The following CLDN14 variants were observed in gnomAD, a reference collection of about 807,000 sequenced individuals.
CLDN14 encodes the protein claudin-14.
In CLDN14, 2 loss-of-function variants were observed where a neutral mutation model predicts 2.1. The ratio of observed to expected loss-of-function variants is 0.96; its 90% CI spans 0.39 to 3.01. CLDN14 has a LOEUF of 3.01. Ranked by LOEUF, CLDN14 falls within the 30% of genes most tolerant of loss-of-function variation. The pLI, the probability that CLDN14 is intolerant of heterozygous loss-of-function variation, is 0.09. For missense variants in CLDN14, 298 were observed against 328.0 expected, an observed-to-expected ratio of 0.91 and a Z score of 0.71; for synonymous variants, 136 against 154.4, an observed-to-expected ratio of 0.88 and a Z score of 0.88.
intron 1 of CLDN14, among the ~76,000 whole-genome samples, chr21:36,561,157 T>A (rs986673876): frequency 1.3e-5 from 2 of 151,986 alleles, no homozygotes; most frequent in Admixed American, 6.5e-5. Context: ...CCACTCTGAG[T>A]GGTTTAAACA....
chr21:36,499,124 G>A lies in CLDN14; in HGVS notation c.-82+11239C>T, dbSNP rs1259803478. 2.0e-5 allele frequency among the ~76,000 whole-genome samples: 3 copies of A among 152,182 alleles called. No individual in the cohort carries two copies. The highest frequency in any genetic ancestry group is 2.9e-5 in the Non-Finnish European group (2 of 68,034). ...GGAGGAGTAGAGAGATGATATCATTGACCACAGGACTCAAGAAATAAGCCC... is the reference window on the plus strand; with the variant it reads ...GGAGGAGTAGAGAGATGATATCATTAACCACAGGACTCAAGAAATAAGCCC... On this transcript the variant is annotated intron_variant, in intron 2 of 2. Transcript: ENST00000342108. This position sits in a 1 kb window ranked among gnomAD's most constrained non-coding sequence, Gnocchi z 4.7.
intron 1 of CLDN14, among the ~76,000 whole-genome samples, chr21:36,548,639 G>GC (rs1316033331): frequency 3.3e-5 from 5 of 152,118 alleles, no homozygotes; most frequent in Non-Finnish European, 7.4e-5. Context: ...TACCCTGACT[G>GC]CCCCACGGTA....
At chr21:36,564,484 C>T (rs2087658616) in intron 1 of CLDN14, among the ~76,000 whole-genome samples, 1 of 152,174 alleles carries the variant, frequency 6.6e-6, no homozygotes, top group African/African-American at 2.4e-5. Context: ...TGTGGTTTCG[C>T]CCCTGGAGGA....
intron 1 of CLDN14, among the ~76,000 whole-genome samples, chr21:36,548,203 C>T (rs1048320641): frequency 6.6e-5 from 10 of 151,908 alleles, no homozygotes; most frequent in African/African-American, 2.4e-4. Context: ...CCTAGTAAGT[C>T]AACCCCCCTC....
At chr21:36,473,389 AC>A (rs1226402784) in intron 1 of CLDN14, among the ~76,000 whole-genome samples, 2 of 152,206 alleles carry the variant, frequency 1.3e-5, no homozygotes, top group East Asian at 1.9e-4. Context: ...TGCCTGGCCC[AC>A]CCTGCAGATT....
rs1395016125 is a variant in CLDN14 at position 36,523,777 on chromosome 21, A to AAGAAAGAGAGAG, written c.-219-13278_-219-13277insCTCTCTCTTTCT. 5.8e-4 allele frequency among the ~76,000 whole-genome samples: 40 copies of AAGAAAGAGAGAG among 68,920 alleles called. 6 individuals carry two copies. The highest frequency in any genetic ancestry group is 2.1e-3 in the African/African-American group (33 of 15,500). 45.2% of individuals were successfully genotyped at this position (68,920 alleles called of 152,430 possible). ...AAAAAAAAAAAGAAAGAAAGAGAGA[A>AAGAAAGAGAGAG]AGAGAGAAAGAAAGAAAGAAAGAAA... On this transcript the variant is annotated intron_variant, in intron 1 of 2. Coordinates refer to the CLDN14 transcript ENST00000342108.
chr21:36,549,563 T>C (rs1222364799), intron 1 of CLDN14, among the ~76,000 whole-genome samples: 1 of 152,176 alleles, frequency 6.6e-6, no homozygotes, highest in African/African-American at 2.4e-5. Context: ...CTCTAAAACA[T>C]TTCCCAGAGG....
chr21:36,486,568 G>A, intron 2 of CLDN14: 1 of 1,555,462 alleles, frequency 6.4e-7, no homozygotes, highest in Non-Finnish European at 8.9e-7. Context: ...CATCAGCCAA[G>A]CTGGGCCCAG....
chr21:36,550,380 T>A lies in CLDN14; in HGVS notation c.-220+26031A>T, dbSNP rs1288693723. Among the ~76,000 whole-genome samples, 3 of 152,208 alleles carry A rather than the reference T, an allele frequency of 2.0e-5. No homozygotes were observed. The East Asian group carries it at 5.8e-4, about 29-fold the overall frequency. ...TCTCCCCCTGACCCCAAAAGTCGAA[T>A]AAGCTCTTTACCTTCATTGGTGTGG... On this transcript the variant is annotated intron_variant, in intron 1 of 2. Transcript: ENST00000342108.
At chr21:36,481,392 A>G (rs1213450443), upstream of CLDN14, among the ~76,000 whole-genome samples, 1 of 152,144 alleles carries the variant, frequency 6.6e-6, no homozygotes, top group African/African-American at 2.4e-5. Flanking sequence ...ATGTGCCCAT[A>G]TTATCTATAA....
intron 1 of CLDN14, among the ~76,000 whole-genome samples, chr21:36,572,913 C>T (rs771761338): frequency 7.9e-5 from 12 of 152,204 alleles, no homozygotes; most frequent in African/African-American, 2.9e-4. Context: ...CTTCCCTGCT[C>T]CCTGCCAAAA....
chr21:36,522,216 C>T (rs1436135790), intron 1 of CLDN14, among the ~76,000 whole-genome samples: 2 of 152,142 alleles, frequency 1.3e-5, no homozygotes, highest in African/African-American at 4.8e-5. Context: ...ACGCAGCACT[C>T]CAGCCTTACT....
At chr21:36,469,204 A>T (rs917585663) in intron 1 of CLDN14, among the ~76,000 whole-genome samples, 5 of 152,360 alleles carry the variant, frequency 3.3e-5, no homozygotes, top group Admixed American at 1.3e-4. Context: ...AAGAATGATG[A>T]GAAAGCGATC....
intron 1 of CLDN14, among the ~76,000 whole-genome samples, chr21:36,558,069 C>T (rs1042255070): frequency 1.1e-4 from 16 of 152,136 alleles, no homozygotes; most frequent in Admixed American, 5.9e-4. Context: ...TACTGTCACC[C>T]TTGTCAAAAA....
chr21:36,527,286 GTTTA>G (rs1285568636), intron 1 of CLDN14, among the ~76,000 whole-genome samples: 2 of 152,280 alleles, frequency 1.3e-5, no homozygotes, highest in African/African-American at 4.8e-5. Context: ...AGATTGATTG[GTTTA>G]TTTGATTTTG....
chr21:36,479,175 G>C (rs1475694028), intron 1 of CLDN14, among the ~76,000 whole-genome samples: 5 of 152,206 alleles, frequency 3.3e-5, no homozygotes, highest in Non-Finnish European at 4.4e-5. Flanking sequence ...ACACTGAACA[G>C]ATTCAGTCCT....
At chr21:36,462,854 G>A (rs566985176) in intron 1 of CLDN14, among the ~76,000 whole-genome samples, 2 of 151,272 alleles carry the variant, frequency 1.3e-5, no homozygotes, top group South Asian at 4.2e-4. Context: ...GAAGGCTGAG[G>A]TTGCAGTGAG....
intron 1 of CLDN14, among the ~76,000 whole-genome samples, chr21:36,471,541 A>C (rs2086710929): frequency 6.6e-6 from 1 of 152,190 alleles, no homozygotes; most frequent in Non-Finnish European, 1.5e-5. Context: ...TCTTAAGTCA[A>C]CATGTCTTGA....
chr21:36,563,013 A>C (rs1449610045), intron 1 of CLDN14, among the ~76,000 whole-genome samples: 2 of 152,230 alleles, frequency 1.3e-5, no homozygotes, highest in African/African-American at 4.8e-5. Context: ...GTGCTGCAAA[A>C]ATGCAGAATG....
Sources: gnomAD v4.1 joint callset for allele counts (sites outside exome capture counted in the v4.1 genomes callset) on GRCh38, gnomAD v4.1.1 for gene constraint, Gnocchi (gnomAD v3.1) non-coding constraint, MANE v1.5 for transcripts, NCBI Gene and HGNC (gene_info 2026-07-23, HGNC 2026-07-21) for gene names.